The following CNTNAP2 variants were observed in gnomAD, a reference collection of about 807,000 sequenced individuals.
CNTNAP2 encodes contactin-associated protein-like 2.
CNTNAP2 carries 98 observed loss-of-function variants against 155.2 expected under a neutral mutation model. The observed-to-expected ratio is 0.63, with a 90% confidence interval of 0.54 to 0.75. The LOEUF (loss-of-function observed/expected upper bound fraction) is 0.75. CNTNAP2 is among the 30% of genes least tolerant of loss of function. The pLI, the probability that CNTNAP2 is intolerant of heterozygous loss-of-function variation, is 0.00. For missense variants in CNTNAP2, 1,727 were observed against 1,688.1 expected (o/e 1.02, Z -0.40); for synonymous variants, 651 against 631.2 (o/e 1.03, Z -0.47).
intron 21 of CNTNAP2, among the ~76,000 whole-genome samples, chr7:148,349,146 CA>C (rs1464648019): frequency 6.6e-6 from 1 of 151,860 alleles, no homozygotes; most frequent in Admixed American, 6.6e-5. Context: ...ACAAATACAT[CA>C]ATAATTTAAG....
intron 3 of CNTNAP2, among the ~76,000 whole-genome samples, chr7:146,905,937 G>A (rs1305554317): frequency 6.6e-6 from 1 of 152,204 alleles, no homozygotes; most frequent in Non-Finnish European, 1.5e-5. Context: ...GCCAGTGGGT[G>A]CACGCACCAC....
rs138151983 is a variant in CNTNAP2, at chr7:147,739,849, A to G, written c.2098+100543A>G. Among the ~76,000 whole-genome samples the G allele has an allele frequency of 4.9e-4, 74 of 152,292 alleles. 1 individual carries two copies. Among genetic ancestry groups the G allele is most frequent in the African/African-American group, 1.7e-3 (71 of 41,548 alleles). On this transcript the variant is annotated intron_variant, in intron 13 of 23. Transcript: ENST00000361727. ...TATATATATAAATGCTGAATTAAAT[A>G]TAAAACTTAAGTATATTACATATCT...
chr7:146,443,050 A>G lies in CNTNAP2; in HGVS notation c.97+326077A>G, dbSNP rs541329408. 9.9e-5 allele frequency among the ~76,000 whole-genome samples: 15 copies of G among 151,814 alleles called. No homozygotes were observed. In the South Asian group the frequency reaches 3.1e-3, roughly 32 times the overall value. ...TGAAACCCCGTTTCTACTAAAAAAA[A>G]AATACAAAAAAAAATTAGCTGGGCG... On this transcript the variant is annotated intron_variant, in intron 1 of 23. Coordinates refer to ENST00000361727, the MANE Select transcript of CNTNAP2 (RefSeq NM_014141.6).
chr7:146,383,789 T>A (rs1357707354), intron 1 of CNTNAP2, among the ~76,000 whole-genome samples: 1 of 152,216 alleles, frequency 6.6e-6, no homozygotes, highest in East Asian at 1.9e-4. Flanking sequence ...AATAGTCTTG[T>A]TTTCATTTGG....
intron 2 of CNTNAP2, among the ~76,000 whole-genome samples, chr7:146,820,079 G>T (rs765289865): frequency 1.3e-5 from 2 of 152,168 alleles, no homozygotes; most frequent in Non-Finnish European, 2.9e-5. Flanking sequence ...GATATTTCGA[G>T]CAGTGCTCAT....
chr7:146,614,309 C>G (rs1585007276), intron 1 of CNTNAP2, among the ~76,000 whole-genome samples: 3 of 152,140 alleles, frequency 2.0e-5, no homozygotes, highest in Non-Finnish European at 4.4e-5. Flanking sequence ...TGTTTATGGT[C>G]TTCCTAAATA....
intron 1 of CNTNAP2, among the ~76,000 whole-genome samples, chr7:146,414,921 C>T (rs1795915995): frequency 6.6e-6 from 1 of 152,096 alleles, no homozygotes; most frequent in African/African-American, 2.4e-5. Flanking sequence ...AGTACAGTCT[C>T]TTTTGGGGGG....
intron 1 of CNTNAP2, among the ~76,000 whole-genome samples, chr7:146,257,522 G>T (rs1799858362): frequency 6.6e-6 from 1 of 152,160 alleles, no homozygotes; most frequent in Non-Finnish European, 1.5e-5. Context: ...ATGTCTCTTG[G>T]ATTAAATTCT....
chr7:146,873,506 G>A (rs1190092328), intron 3 of CNTNAP2, among the ~76,000 whole-genome samples: 1 of 152,104 alleles, frequency 6.6e-6, no homozygotes, highest in Non-Finnish European at 1.5e-5. Flanking sequence ...TAGGCTTAGA[G>A]GGTGAAAGTG....
chr7:148,117,788 A>T (rs1046354418), intron 15 of CNTNAP2, among the ~76,000 whole-genome samples: 5 of 151,328 alleles, frequency 3.3e-5, no homozygotes, highest in Non-Finnish European at 5.9e-5. Context: ...ATTGTTATAT[A>T]ATTATAAAAT....
intron 14 of CNTNAP2, among the ~76,000 whole-genome samples, chr7:147,957,840 C>T (rs933399832): frequency 2.0e-5 from 3 of 151,924 alleles, no homozygotes; most frequent in Non-Finnish European, 4.4e-5. Flanking sequence ...TTTGGGAAGC[C>T]GAGGTGGGAG....
chr7:148,130,883 T>C (rs986569717), intron 16 of CNTNAP2, among the ~76,000 whole-genome samples: 2 of 152,074 alleles, frequency 1.3e-5, no homozygotes, highest in Non-Finnish European at 2.9e-5. Flanking sequence ...AATACCAAAA[T>C]TTTTACAAGA....
At chr7:147,924,001 C>T (rs1056205420) in intron 14 of CNTNAP2, among the ~76,000 whole-genome samples, 2 of 152,208 alleles carry the variant, frequency 1.3e-5, no homozygotes, top group African/African-American at 2.4e-5. Flanking sequence ...CCAGAGATGG[C>T]CATTCCCCTC....
At chr7:147,327,537 G>T (rs779528325) in intron 9 of CNTNAP2, among the ~76,000 whole-genome samples, 1 of 152,062 alleles carries the variant, frequency 6.6e-6, no homozygotes, top group African/African-American at 2.4e-5. Context: ...AAATAGATCA[G>T]AATAAAAAAG....
intron 4 of CNTNAP2, among the ~76,000 whole-genome samples, chr7:147,056,079 C>A (rs1799556207): frequency 6.6e-6 from 1 of 152,106 alleles, no homozygotes; most frequent in South Asian, 2.1e-4. Flanking sequence ...TTTAATATCA[C>A]CGTATAGGTT....
rs59484615 is a variant in CNTNAP2 at position 147,940,303 on chromosome 7, T to TAAAAAAAAAAAAAAAAAAAA, written c.2255+36584_2255+36603dup. 7.6e-5 allele frequency: 7 copies of TAAAAAAAAAAAAAAAAAAAA among 91,692 alleles called. 1 individual carries two copies. The highest frequency in any genetic ancestry group is 2.7e-4 in the African/African-American group (7 of 26,390). The allele number at this position is 91,692 out of a possible 1,614,324, so 5.7% of individuals were successfully genotyped here. ...ATACCATAGCAAGACCCTGTCTCTTTAAAAAAAAAAAAAAAAAAAAATGGC... is the reference window on the plus strand; with the variant it reads ...ATACCATAGCAAGACCCTGTCTCTTTAAAAAAAAAAAAAAAAAAAAAAAAAAAAAAAAAAAAAAAAATGGC... On this transcript the variant is annotated intron_variant, in intron 14 of 23. Transcript: ENST00000361727.
At chr7:146,541,910 ATTTAATG>A (rs1797959199) in intron 1 of CNTNAP2, among the ~76,000 whole-genome samples, 1 of 152,000 alleles carries the variant, frequency 6.6e-6, no homozygotes, top group Non-Finnish European at 1.5e-5. Context: ...CATATTGTTA[ATTTAATG>A]TTCTTAGTAA....
At chr7:147,916,754 A>G (rs1800170541) in intron 14 of CNTNAP2, among the ~76,000 whole-genome samples, 1 of 151,928 alleles carries the variant, frequency 6.6e-6, no homozygotes, top group Non-Finnish European at 1.5e-5. Context: ...ATGTCATGGG[A>G]TCTAAAGAAA....
intron 17 of CNTNAP2, among the ~76,000 whole-genome samples, 196 bp downstream of exon 17, chr7:148,147,905 C>T (rs1424221939): frequency 6.6e-6 from 1 of 152,144 alleles, no homozygotes; most frequent in Non-Finnish European, 1.5e-5. Context: ...GATCTCGTTC[C>T]ACTTCCACTC....
Sources: gnomAD v4.1 joint callset for allele counts (sites outside exome capture counted in the v4.1 genomes callset) on GRCh38, gnomAD v4.1.1 for gene constraint, MANE v1.5 for transcripts, NCBI Gene and HGNC (gene_info 2026-07-23, HGNC 2026-07-21) for gene names.